CR1: variants seen among roughly 807,000 people sequenced by gnomAD.
CR1 encodes complement C3b/C4b receptor 1 (Knops blood group).
A neutral mutation model predicts 187.3 loss-of-function variants in CR1; 116 were observed. The ratio of observed to expected loss-of-function variants is 0.62; its 90% confidence interval spans 0.53 to 0.72. The LOEUF (loss-of-function observed/expected upper bound fraction) is 0.72. Ranked by LOEUF, CR1 falls within the 30% of genes least tolerant of loss-of-function variation. The pLI is 0.00. For synonymous variants in CR1, 576 were observed against 747.1 expected, an observed-to-expected ratio of 0.77 and a Z score of 3.73; for missense variants, 1,731 against 2,110.7, an observed-to-expected ratio of 0.82 and a Z score of 3.52.
intron 1 of CR1, among the ~76,000 whole-genome samples, chr1:207,502,606 G>A (rs2102332447): frequency 6.6e-6 from 1 of 152,306 alleles, no homozygotes; most frequent in Admixed American, 6.5e-5. Context: ...GGACCAAGTG[G>A]CACAAGATGA....
chr1:207,598,340 G>C (rs957766695), intron 35 of CR1, among the ~76,000 whole-genome samples: 1 of 151,758 alleles, frequency 6.6e-6, no homozygotes, highest in Non-Finnish European at 1.5e-5. Flanking sequence ...AGAAAAATAA[G>C]AATTTAAAAC....
In CR1 at chr1:207,639,665, T is replaced by C. The variant is rs551527591; in HGVS notation, c.*256T>C. 8 of 390,298 alleles carry C rather than the reference T, an allele frequency of 2.0e-5. No homozygotes were observed. In the Admixed American group the frequency reaches 2.8e-4, roughly 14 times the overall value. 24.2% of individuals were successfully genotyped at this position (390,298 alleles called of 1,614,324 possible). ...ACAGTATCTAGTCAGGGGAAAAGAC[T>C]GCATTTAGGAGATAGAAAATAGTTT... On this transcript the variant is annotated 3_prime_UTR_variant, in exon 47 of 47. Coordinates refer to ENST00000367049, the MANE Select transcript of CR1 (RefSeq NM_000651.6).
rs376345358 is a variant in CR1, at chr1:207,521,410, C to A, written c.488-2201C>A. Among the ~76,000 whole-genome samples the A allele has an allele frequency of 2.6e-3, 397 of 152,144 alleles. 3 individuals are homozygous for A. The highest frequency in any genetic ancestry group is 4.1e-3 in the Non-Finnish European group (280 of 67,992). ...CATCGAGGGACTTCAGTTAAACATG[C>A]TAGGCTTTATTCTTCTATGTATTTA... On this transcript the variant is annotated intron_variant, in intron 4 of 46. Transcript: ENST00000367049.
Position 207,568,173 on chromosome 1 carries a change from T to A in CR1, c.4171+131T>A. The A allele has an allele frequency of 1.4e-5, 20 of 1,474,074 alleles. 2 individuals carry two copies. The highest frequency in any genetic ancestry group is 2.3e-4 in the Middle Eastern group (1 of 4,324). 91.3% of individuals were successfully genotyped at this position (1,474,074 alleles called of 1,614,324 possible). Reference sequence around the variant, plus strand: ...CCACAATGGAATGCCAAACCAATGATAGATGGTTCTAAGGTAGGTCAACAC... The same window carrying A: ...CCACAATGGAATGCCAAACCAATGAAAGATGGTTCTAAGGTAGGTCAACAC... On this transcript the variant is annotated intron_variant, in intron 25 of 46. Coordinates refer to ENST00000367049, the MANE Select transcript of CR1 (RefSeq NM_000651.6).
intron 33 of CR1, 109 bp downstream of exon 33, chr1:207,584,985 T>G (rs1661070577): frequency 1.3e-6 from 2 of 1,499,026 alleles, no homozygotes; most frequent in Admixed American, 4.2e-5. Flanking sequence ...AACTTTGTCA[T>G]AAGTGTAAAT....
At chr1:207,574,686 A>G (rs1224359788) in intron 27 of CR1, among the ~76,000 whole-genome samples, 1 of 152,226 alleles carries the variant, frequency 6.6e-6, no homozygotes, top group Non-Finnish European at 1.5e-5. Context: ...AGGTAGGCTA[A>G]ACTTACATTA....
chr1:207,617,507 ATGTGTGTGTGTGTG>A (rs1167357538), intron 41 of CR1, among the ~76,000 whole-genome samples: 4 of 47,010 alleles, frequency 8.5e-5, no homozygotes, highest in Admixed American at 3.0e-4. Flanking sequence ...ATATATATAT[ATGTGTGTGTGTGTG>A]TGTGTGTGTG....
At chr1:207,604,417 C>T (rs189324077) in intron 35 of CR1, among the ~76,000 whole-genome samples, 13 of 152,246 alleles carry the variant, frequency 8.5e-5, no homozygotes, top group Admixed American at 3.3e-4. Context: ...ATCAGAAACA[C>T]GTTTGCCTAA....
intron 29 of CR1, 101 bp from the exon 30 acceptor site, chr1:207,580,139 T>G (rs1317300222): frequency 2.0e-6 from 3 of 1,506,720 alleles, no homozygotes; most frequent in Non-Finnish European, 2.7e-6. Flanking sequence ...CTAGGGAGAA[T>G]TGGGTTCTAT....
chr1:207,504,176 G>A (rs1659358791), intron 1 of CR1, among the ~76,000 whole-genome samples: 1 of 152,136 alleles, frequency 6.6e-6, no homozygotes, highest in African/African-American at 2.4e-5. Context: ...TTGGGTATCG[G>A]CTAATGTCTT....
chr1:207,505,511 T>G (rs1255520839), intron 1 of CR1, among the ~76,000 whole-genome samples: 1 of 152,056 alleles, frequency 6.6e-6, no homozygotes, highest in African/African-American at 2.4e-5. Context: ...ATCACATCTA[T>G]GAAGTATATT....
At chr1:207,515,022 CACACAT>C (rs1558220397) in intron 4 of CR1, among the ~76,000 whole-genome samples, 23 of 146,376 alleles carry the variant, frequency 1.6e-4, no homozygotes, top group Admixed American at 3.4e-4. Flanking sequence ...CACACACACA[CACACAT>C]ATATACATAT....
Position 207,580,535 on chromosome 1 carries a change from G to A in CR1, c.5138G>A (p.Gly1713Asp). 1.9e-6 allele frequency: 3 copies of A among 1,611,780 alleles called. No homozygotes were observed. Among genetic ancestry groups the A allele is most frequent in the South Asian group, 1.1e-5 (1 of 90,918 alleles). The change falls in exon 31 of 47, where the codon GGT (glycine) becomes GAT (aspartate). Residue 1713 changes from glycine (G) to aspartate (D), a missense_variant. By Grantham distance (94) the Gly-to-Asp change is moderately conservative. Coordinates refer to ENST00000367049, the MANE Select transcript of CR1 (RefSeq NM_000651.6). ...CAVKSCDDFL[G>D]QLPHGRVLFP... is the part of the protein sequence containing the mutation. ...GTGAAATCCTGTGATGACTTCTTGGGTCAACTCCCTCATGGCCGTGTGCTA... is the reference window on the plus strand; with the variant it reads ...GTGAAATCCTGTGATGACTTCTTGGATCAACTCCCTCATGGCCGTGTGCTA...
chr1:207,577,246 G>A (rs1357319551), intron 28 of CR1, among the ~76,000 whole-genome samples: 1 of 141,906 alleles, frequency 7.0e-6, no homozygotes, highest in African/African-American at 2.6e-5. Flanking sequence ...GTGAGGATCT[G>A]TTAAAACAAA....
chr1:207,612,106 G>T (rs1184748631), intron 39 of CR1, 65 bp downstream of exon 39: 5 of 1,519,784 alleles, frequency 3.3e-6, no homozygotes, highest in Non-Finnish European at 4.6e-6. Flanking sequence ...GAGATCAGGG[G>T]TTAATCCAAT....
chr1:207,580,426 C>T lies in CR1; in HGVS notation c.5113+10C>T. ...GCCCCGAGATGTGCAGGTGCCTCAA[C>T]TCTCTGGCTTCCAGATTTCTCTCTT... On this transcript the variant is annotated intron_variant, in intron 30 of 46. Transcript: ENST00000367049. 1 of 1,612,180 alleles carries T rather than the reference C, an allele frequency of 6.2e-7. No homozygotes were observed. Among genetic ancestry groups the T allele is most frequent in the Non-Finnish European group, 8.5e-7 (1 of 1,179,226 alleles).
chr1:207,636,198 T>C (rs1385133290), intron 46 of CR1, among the ~76,000 whole-genome samples: 2 of 152,148 alleles, frequency 1.3e-5, no homozygotes, highest in Non-Finnish European at 2.9e-5. Flanking sequence ...CAAGGATTAA[T>C]ATGAAATTTA....
At chr1:207,592,517 C>T (rs1303165980) in intron 35 of CR1, among the ~76,000 whole-genome samples, 7 of 152,136 alleles carry the variant, frequency 4.6e-5, no homozygotes, top group Non-Finnish European at 7.3e-5. Flanking sequence ...TGGAAGCATG[C>T]GCTTTGAAAA....
At chr1:207,591,130 C>A (rs1189923588) in intron 35 of CR1, among the ~76,000 whole-genome samples, 9 of 152,118 alleles carry the variant, frequency 5.9e-5, no homozygotes, top group Non-Finnish European at 1.3e-4. Context: ...AACTCTCCAC[C>A]CCAAATCAGC....
Sources: gnomAD v4.1 joint callset for allele counts (sites outside exome capture counted in the v4.1 genomes callset) on GRCh38, gnomAD v4.1.1 for gene constraint, MANE v1.5 for transcripts, NCBI Gene and HGNC (gene_info 2026-07-23, HGNC 2026-07-21) for gene names.